ZFHX2: variants seen among roughly 807,000 people sequenced by gnomAD.
The protein encoded by ZFHX2 is zinc finger homeobox 2, also known as zinc finger homeobox protein 2.
ZFHX2 carries 75 observed loss-of-function variants against 164.8 expected under a neutral mutation model. The ratio of observed to expected loss-of-function variants is 0.46; its 90% CI spans 0.38 to 0.55. The LOEUF (loss-of-function observed/expected upper bound fraction) is 0.55. Among genes scored for constraint, ZFHX2 ranks in the 20% least tolerant of loss-of-function variants. The pLI is 0.00. For synonymous variants in ZFHX2, 1,217 were observed against 1,351.4 expected (o/e 0.90, Z 2.18); for missense variants, 2,933 against 3,308.0 (o/e 0.89, Z 2.78).
At chr14:23,550,814 C>A (rs1456248065) in intron 1 of ZFHX2, among the ~76,000 whole-genome samples, 1 of 152,186 alleles carries the variant, frequency 6.6e-6, no homozygotes, top group Non-Finnish European at 1.5e-5. Flanking sequence ...CTGAGAGTAT[C>A]CACGTCCCCT....
chr14:23,522,954 A>T lies in ZFHX2; in HGVS notation c.6740-13T>A. On this transcript the variant is annotated splice_polypyrimidine_tract_variant and intron_variant, in intron 9 of 9. Coordinates refer to ENST00000419474, the MANE Select transcript of ZFHX2 (RefSeq NM_033400.3). ...GAGGCTGCCGGGCCTAGAAAGGTGA[A>T]AGGAAGGATGAAGGATTAGCCATCT... 2 of 1,436,844 alleles carry T rather than the reference A, an allele frequency of 1.4e-6. No homozygotes were observed. Among genetic ancestry groups the T allele is most frequent in the South Asian group, 2.9e-5 (2 of 67,866 alleles). 89.0% of individuals were successfully genotyped at this position (1,436,844 alleles called of 1,614,324 possible).
In ZFHX2 at chr14:23,534,905, C is replaced by A; in HGVS notation, c.421G>T (p.Gly141Cys). ...ATGCCCGCCTCACCCCAGGGGAAGC[C>A]CTTTGGTAACAGGAGTTCACTGCCA... ...PGGSELLLPK[G>C]FPWGEAGIKE... The change falls in exon 2 of 10, where the codon GGC becomes TGC. Residue 141 changes from glycine (G) to cysteine (C), a missense_variant. Coordinates refer to ENST00000419474, the MANE Select transcript of ZFHX2 (RefSeq NM_033400.3). This position sits in a 1 kb window ranked among gnomAD's most constrained non-coding sequence, Gnocchi z 4.5. The A allele has an allele frequency of 6.5e-7, 1 of 1,536,108 alleles. No individual in the cohort carries two copies. The highest frequency in any genetic ancestry group is 1.2e-5 in the South Asian group (1 of 84,062).
In ZFHX2 at chr14:23,523,729, C is replaced by G. The variant is rs1460521830; in HGVS notation, c.6213G>C (p.Gln2071His). 5 of 1,536,374 alleles carry G rather than the reference C, an allele frequency of 3.3e-6. No homozygotes were observed. The highest frequency in any genetic ancestry group is 4.4e-6 in the Non-Finnish European group (5 of 1,146,952). ...TGATCTTCAGCTGCAGGCTGCTCAT[C>G]TGGGTCCTGTAGCGCCGCTGCCCCA... ...DGMGQRRYRTQMSSLQLKIMK... is the reference protein window; with the variant it reads ...DGMGQRRYRTHMSSLQLKIMK... Residue 2071 changes from glutamine to histidine, a missense_variant, in exon 9 of 10, where the codon CAG (glutamine) becomes CAC (histidine). Gln to His is a conservative substitution (Grantham distance 24). Coordinates refer to ENST00000419474, the MANE Select transcript of ZFHX2 (RefSeq NM_033400.3). The surrounding 1 kb of genome is among the most constrained non-coding windows in gnomAD (Gnocchi z 4.1).
chr14:23,530,001 CCTTT>C (rs1353061232), intron 5 of ZFHX2, 115 bp downstream of exon 5: 5 of 1,125,548 alleles, frequency 4.4e-6, no homozygotes, highest in East Asian at 2.6e-5. Flanking sequence ...CCTGATGAGC[CCTTT>C]CTTTAATCAG....
intron 1 of ZFHX2, among the ~76,000 whole-genome samples, chr14:23,545,340 T>TC (rs1881279555): frequency 6.6e-6 from 1 of 152,192 alleles, no homozygotes; most frequent in African/African-American, 2.4e-5. Context: ...CAACCACTCG[T>TC]CCGCCCTCCT....
At position 23,533,870 on chromosome 14, in the gene ZFHX2, A is replaced by T; in HGVS notation, c.1456T>A (p.Cys486Ser). Reference protein sequence around the residue: ...HPESNSHCSYCSAGGAHPRLA... With the variant: ...HPESNSHCSYSSAGGAHPRLA... ...CGGGGGTGGGCGCCCCCAGCACTGC[A>T]GTAGCTGCAGTGACTGTTGCTCTCA... Residue 486 changes from cysteine to serine, a missense_variant, in exon 2 of 10, where the codon TGC becomes AGC. By Grantham distance (112) the Cys-to-Ser change is moderately radical. Transcript: ENST00000419474. The surrounding 1 kb of genome is among the most constrained non-coding windows in gnomAD (Gnocchi z 4.8). 1 of 1,538,140 alleles carries T rather than the reference A, an allele frequency of 6.5e-7. No homozygotes were observed. The highest frequency in any genetic ancestry group is 8.7e-7 in the Non-Finnish European group (1 of 1,147,410).
chr14:23,526,072 G>A lies in ZFHX2; in HGVS notation c.3870C>T (p.Arg1290=), dbSNP rs1395437549. 1 of 1,536,532 alleles carries A rather than the reference G, an allele frequency of 6.5e-7. No homozygotes were observed. Among genetic ancestry groups the A allele is most frequent in the Non-Finnish European group, 8.7e-7 (1 of 1,146,958 alleles). ...KTDSKIEGPE[R]SQEEPKEGET... The stretch of plus-strand genomic sequence containing the variant: ...CGCCTTCCTTGGGCTCTTCTTGGCT[G>A]CGTTCTGGCCCTTCAATCTTGGAAT... Residue 1290 remains arginine (R), a synonymous_variant, in exon 9 of 10, where the codon CGC becomes CGT. Transcript: ENST00000419474.
Position 23,521,817 on chromosome 14 carries a change from C to T in ZFHX2, c.*145G>A. ...TCTGCTGGAAGTGGGGTGTGTGGTGCCCACTGAGGGTGGGAACTGAACAGT... is the reference window on the plus strand; with the variant it reads ...TCTGCTGGAAGTGGGGTGTGTGGTGTCCACTGAGGGTGGGAACTGAACAGT... On this transcript the variant is annotated 3_prime_UTR_variant, in exon 10 of 10. Transcript: ENST00000419474. The T allele has an allele frequency of 2.9e-6, 4 of 1,386,048 alleles. No individual in the cohort carries two copies. Among genetic ancestry groups the T allele is most frequent in the Non-Finnish European group, 3.8e-6 (4 of 1,053,062 alleles). 85.9% of individuals were successfully genotyped at this position (1,386,048 alleles called of 1,614,324 possible).
chr14:23,530,880 C>G (rs1422723180), intron 4 of ZFHX2: 1 of 220,542 alleles, frequency 4.5e-6, no homozygotes, highest in African/African-American at 2.4e-5. Flanking sequence ...ACGCCCATGC[C>G]CACCTCTGGC....
At position 23,521,830 on chromosome 14, in the gene ZFHX2, G is replaced by C; in HGVS notation, c.*132C>G. ...GGGTGTGTGGTGCCCACTGAGGGTG[G>C]GAACTGAACAGTTCCTGTGAGGTGG... On this transcript the variant is annotated 3_prime_UTR_variant, in exon 10 of 10. Coordinates refer to ENST00000419474, the MANE Select transcript of ZFHX2 (RefSeq NM_033400.3). 6.3e-6 allele frequency: 9 copies of C among 1,435,786 alleles called. No individual in the cohort carries two copies. The South Asian group carries it at 1.2e-4, about 19-fold the overall frequency. The allele number at this position is 1,435,786 out of a possible 1,614,324, so 88.9% of individuals were successfully genotyped here.
chr14:23,527,032 C>A, intron 7 of ZFHX2, 59 bp from the exon 8 acceptor site: 1 of 1,450,884 alleles, frequency 6.9e-7, no homozygotes, highest in South Asian at 1.4e-5. Flanking sequence ...CTATGCCACT[C>A]CTGACCCATC....
In ZFHX2 at chr14:23,551,681, C is replaced by A; in HGVS notation, c.-388G>T. 6.4e-6 allele frequency: 1 copy of A among 155,732 alleles called. No homozygotes were observed. The allele number at this position is 155,732 out of a possible 1,614,324, so 9.6% of individuals were successfully genotyped here. ...CCTCCTCCTCCTCCTCCTTCTCCTC[C>A]TCGCCCTCCTCCTCCTCCTCCTCCT... On this transcript the variant is annotated 5_prime_UTR_variant, in exon 1 of 10. In the 5' UTR this introduces an upstream ATG that the reference lacks. Coordinates refer to ENST00000419474, the MANE Select transcript of ZFHX2 (RefSeq NM_033400.3). This position sits in a 1 kb window ranked among gnomAD's most constrained non-coding sequence, Gnocchi z 5.3.
intron 1 of ZFHX2, among the ~76,000 whole-genome samples, chr14:23,549,521 A>G (rs1282606723): frequency 1.3e-5 from 2 of 152,178 alleles, no homozygotes; most frequent in African/African-American, 4.8e-5. Context: ...AGCTTTTATT[A>G]CACTAATAAA....
chr14:23,545,286 G>A (rs964487870), intron 1 of ZFHX2, among the ~76,000 whole-genome samples: 1 of 152,178 alleles, frequency 6.6e-6, no homozygotes, highest in African/African-American at 2.4e-5. Flanking sequence ...GGACTGACAC[G>A]CAGGCCGAGA....
intron 4 of ZFHX2, chr14:23,530,599 G>A (rs1283485041): frequency 7.8e-6 from 3 of 384,210 alleles, no homozygotes; most frequent in African/African-American, 4.2e-5. Flanking sequence ...AGCAGGAAGT[G>A]GCAGGTCTAG....
In ZFHX2 at chr14:23,527,690, G is replaced by T. The variant is rs953426779; in HGVS notation, c.3049C>A (p.Gln1017Lys). The change falls in exon 7 of 10, where the codon CAG (glutamine) becomes AAG (lysine). Residue 1017 changes from glutamine to lysine, a missense_variant. Transcript: ENST00000419474. ...PKYRCPLCQE[Q>K]LVGRPALHFH... ...TGCAGGGCAGGCCGGCCCACCAGCT[G>T]TTCCTGGCACAGTGGGCATCTGTAC... 1 of 1,536,296 alleles carries T rather than the reference G, an allele frequency of 6.5e-7. No homozygotes were observed. The highest frequency in any genetic ancestry group is 2.0e-5 in the Admixed American group (1 of 51,002).
chr14:23,554,350 C>T (rs951497414), upstream of ZFHX2, among the ~76,000 whole-genome samples: 8 of 152,034 alleles, frequency 5.3e-5, no homozygotes, highest in African/African-American at 1.4e-4. Context: ...AGAGGTTGAC[C>T]CAAGCTACTC....
At chr14:23,545,605 C>T (rs1436047527) in intron 1 of ZFHX2, among the ~76,000 whole-genome samples, 1 of 152,200 alleles carries the variant, frequency 6.6e-6, no homozygotes, top group Non-Finnish European at 1.5e-5. Context: ...ATTTCAAGTG[C>T]ACTTCTTTCC....
In ZFHX2 at chr14:23,523,629, G is replaced by T; in HGVS notation, c.6313C>A (p.Pro2105Thr). The change falls in exon 9 of 10, where the codon CCC (proline) becomes ACC (threonine). Residue 2105 changes from proline to threonine, a missense_variant. Transcript: ENST00000419474. The surrounding 1 kb of genome is among the most constrained non-coding windows in gnomAD (Gnocchi z 4.1). ...CEVLGEEIGL[P>T]KRVIQVWFQN... ...AACCAGACCTGGATGACTCTCTTGG[G>T]CAGCCCAATCTCCTCTCCCAGCACC... 1 of 1,557,160 alleles carries T rather than the reference G, an allele frequency of 6.4e-7. No homozygotes were observed.
Sources: gnomAD v4.1 joint callset for allele counts (sites outside exome capture counted in the v4.1 genomes callset) on GRCh38, gnomAD v4.1.1 for gene constraint, Gnocchi (gnomAD v3.1) non-coding constraint, MANE v1.5 for transcripts, NCBI Gene and HGNC (gene_info 2026-07-23, HGNC 2026-07-21) for gene names.